RGL3: variants seen among roughly 807,000 people sequenced by gnomAD.
RGL3 encodes the protein ral guanine nucleotide dissociation stimulator-like 3.
RGL3 carries 85 observed loss-of-function variants against 90.6 expected under a neutral mutation model. The observed-to-expected ratio is 0.94, with a 90% confidence interval of 0.79 to 1.12. The LOEUF (loss-of-function observed/expected upper bound fraction) is 1.12. Ranked by LOEUF, RGL3 falls within the 50% of genes most tolerant of loss-of-function variation. The pLI is 0.00. For synonymous variants in RGL3, 408 were observed against 385.5 expected (o/e 1.06, Z -0.68); for missense variants, 1,034 against 939.2 (o/e 1.10, Z -1.32).
At position 11,406,060 on chromosome 19, in the gene RGL3, G is replaced by T. The variant is rs117349628; in HGVS notation, c.996+359C>A. ...CTTGTGACGCCAGGTCGGACCCCTG[G>T]GTGTTGTCTCACATCCGACAAGCTA... is the stretch of plus-strand genomic sequence containing the variant. On this transcript the variant is annotated intron_variant, in intron 7 of 18. Coordinates refer to ENST00000380456, the MANE Select transcript of RGL3 (RefSeq NM_001035223.4). Among the ~76,000 whole-genome samples, 1,312 of 151,672 alleles carry T rather than the reference G, an allele frequency of 8.7e-3. 22 individuals are homozygous for T. Among genetic ancestry groups the T allele is most frequent in the East Asian group, 0.058 (299 of 5,124 alleles).
chr19:11,397,636 T>A (rs1388068271), intron 16 of RGL3, 39 bp from the exon 17 acceptor site: 11 of 1,485,454 alleles, frequency 7.4e-6, no homozygotes, highest in Non-Finnish European at 9.9e-6. Context: ...GCTTGGCCCA[T>A]CTGCAGATGC....
chr19:11,415,981 T>G lies in RGL3; in HGVS notation c.593A>C (p.Glu198Ala). Reference protein sequence around the residue: ...AEKLLEDFLEEAEREQEEEPP... With the variant: ...AEKLLEDFLEAAEREQEEEPP... The stretch of plus-strand genomic sequence containing the variant: ...CTCCTCTTCCTGCTCTCGCTCAGCC[T>G]CCTCCAAAAAATCTTCCAGAAGCTT... Residue 198 changes from glutamate (E) to alanine (A), a missense_variant, in exon 5 of 19, where the codon GAG becomes GCG. Transcript: ENST00000380456. The G allele has an allele frequency of 1.9e-6, 3 of 1,613,800 alleles. No individual in the cohort carries two copies. The highest frequency in any genetic ancestry group is 2.2e-5 in the South Asian group (2 of 91,034).
chr19:11,407,883 A>G (rs919911153), intron 5 of RGL3, among the ~76,000 whole-genome samples: 5 of 150,566 alleles, frequency 3.3e-5, no homozygotes, highest in Admixed American at 6.6e-5. Flanking sequence ...ACAGGGTTTC[A>G]CCATGTTGGC....
chr19:11,402,645 C>T lies in RGL3; in HGVS notation c.1242+5G>A. On this transcript the variant is annotated splice_donor_5th_base_variant and intron_variant, in intron 10 of 18. Transcript: ENST00000380456. ...TTGTCCCCATCCCAAACTGTAATCA[C>T]TCACTGAGGGCAGGCTGCCTGGGGT... The T allele has an allele frequency of 6.2e-7, 1 of 1,614,002 alleles. No homozygotes were observed. Among genetic ancestry groups the T allele is most frequent in the East Asian group, 2.2e-5 (1 of 44,862 alleles).
At chr19:11,417,128 T>C (rs751172236) in intron 2 of RGL3, 69 bp from the exon 3 acceptor site, 56 of 1,156,176 alleles carry the variant, frequency 4.8e-5, no homozygotes, top group Non-Finnish European at 6.3e-5. Context: ...TCTAGTCACA[T>C]TCATCACTAG....
chr19:11,419,173 G>A, intron 1 of RGL3, 73 bp downstream of exon 1: 1 of 1,511,668 alleles, frequency 6.6e-7, no homozygotes, highest in Non-Finnish European at 9.0e-7. Context: ...ACCGTCCGAC[G>A]GGCGGGCGCT....
Position 11,416,664 on chromosome 19 carries a change from T to C in RGL3, c.375A>G (p.Val125=), listed in dbSNP as rs560245706. 21 of 1,614,020 alleles carry C rather than the reference T, an allele frequency of 1.3e-5. No individual in the cohort carries two copies. The highest frequency in any genetic ancestry group is 1.1e-4 in the South Asian group (10 of 91,080). The change falls in exon 4 of 19, where the codon GTA becomes GTG. Residue 125 remains valine, a synonymous_variant. Coordinates refer to ENST00000380456, the MANE Select transcript of RGL3 (RefSeq NM_001035223.4). ...PPMPPPPPPG[V]EIKKTAVQDL... ...CTTGTACCGCTGTCTTCTTGATCTC[T>C]ACCCTGGGAAGAGGCCCCCCAGCAG...
chr19:11,408,599 A>AAG (rs1568339580), intron 5 of RGL3, among the ~76,000 whole-genome samples: 2 of 151,778 alleles, frequency 1.3e-5, no homozygotes, highest in Admixed American at 6.6e-5. Context: ...AAAAAAAAAA[A>AAG]GATCATGCTA....
At chr19:11,409,776 C>A (rs1968842954) in intron 5 of RGL3, among the ~76,000 whole-genome samples, 1 of 152,164 alleles carries the variant, frequency 6.6e-6, no homozygotes, top group Non-Finnish European at 1.5e-5. Context: ...CACCGTGACA[C>A]TCTACTGTGA....
At position 11,397,674 on chromosome 19, in the gene RGL3, A is replaced by T. The variant is rs573145039; in HGVS notation, c.1747-77T>A. The T allele has an allele frequency of 4.4e-6, 6 of 1,371,444 alleles. No homozygotes were observed. The African/African-American group carries it at 7.3e-5, about 17-fold the overall frequency. 85.0% of individuals were successfully genotyped at this position (1,371,444 alleles called of 1,614,324 possible). A position where few individuals can be genotyped will look rare whatever the true frequency, so the allele number is the denominator to read the frequency against. On this transcript the variant is annotated intron_variant, in intron 16 of 18. Transcript: ENST00000380456. ...AGGGCTAGAAAAGCACGAACACCCCAGCCACCACTGGTGCATTCAATAGCC... is the reference window on the plus strand; with the variant it reads ...AGGGCTAGAAAAGCACGAACACCCCTGCCACCACTGGTGCATTCAATAGCC...
At chr19:11,402,334 G>A in intron 11 of RGL3, 87 bp from the exon 12 acceptor site, 1 of 1,583,908 alleles carries the variant, frequency 6.3e-7, no homozygotes, top group South Asian at 1.1e-5. Context: ...GAGCCCCACT[G>A]TAGTAAGGGA....
chr19:11,405,505 T>C, intron 7 of RGL3, 79 bp from the exon 8 acceptor site: 1 of 536,346 alleles, frequency 1.9e-6, no homozygotes, highest in African/African-American at 7.1e-5. Flanking sequence ...TTTTTTTTTT[T>C]TTTTTTTTTT....
intron 16 of RGL3, among the ~76,000 whole-genome samples, chr19:11,398,945 A>G (rs1208289428): frequency 1.3e-5 from 2 of 152,148 alleles, no homozygotes; most frequent in African/African-American, 4.8e-5. Flanking sequence ...CTGGGATTAC[A>G]GGCGTGAGCC....
intron 9 of RGL3, among the ~76,000 whole-genome samples, chr19:11,402,917 G>A (rs1219128018): frequency 1.3e-5 from 2 of 152,004 alleles, no homozygotes; most frequent in Non-Finnish European, 2.9e-5. Context: ...AGACCACCCT[G>A]GCCAATATGG....
At chr19:11,415,212 A>T (rs998142524) in intron 5 of RGL3, among the ~76,000 whole-genome samples, 1 of 151,994 alleles carries the variant, frequency 6.6e-6, no homozygotes, top group African/African-American at 2.4e-5. Context: ...TTTACAGGCT[A>T]GGTATAGTGG....
chr19:11,404,601 GT>G (rs1968736407), intron 9 of RGL3, among the ~76,000 whole-genome samples: 1 of 152,140 alleles, frequency 6.6e-6, no homozygotes, highest in African/African-American at 2.4e-5. Flanking sequence ...CAGATGTGTG[GT>G]TTTGGGGATG....
chr19:11,402,468 G>C lies in RGL3; in HGVS notation c.1316C>G (p.Pro439Arg), dbSNP rs373591981. 2 of 1,602,906 alleles carry C rather than the reference G, an allele frequency of 1.2e-6. No homozygotes were observed. The highest frequency in any genetic ancestry group is 8.5e-7 in the Non-Finnish European group (1 of 1,175,366). Residue 439 changes from proline to arginine, a missense_variant, in exon 11 of 19, where the codon CCG becomes CGG. By Grantham distance (103) the Pro-to-Arg change is moderately radical. Transcript: ENST00000380456. ...CAGGGGTCAGACCTCCAACATATCCGGCAGGGCTGTGTCCAGCATAACCAG... is the reference window on the plus strand; with the variant it reads ...CAGGGGTCAGACCTCCAACATATCCCGCAGGGCTGTGTCCAGCATAACCAG... Reference protein sequence around the residue: ...TDLVMLDTALPDMLEGDLINF... With the variant: ...TDLVMLDTALRDMLEGDLINF...
intron 5 of RGL3, among the ~76,000 whole-genome samples, chr19:11,407,689 T>G (rs77464309): frequency 8.1e-6 from 1 of 122,848 alleles, no homozygotes; most frequent in African/African-American, 4.1e-5. Flanking sequence ...TCTCTGTGCC[T>G]TTTTTTTTTT....
In RGL3 at chr19:11,396,158, ATTTT is replaced by A. The variant is rs1169850022; in HGVS notation, c.2014+1082_2014+1085del. Among the ~76,000 whole-genome samples, 126 of 25,580 alleles carry A rather than the reference ATTTT, an allele frequency of 4.9e-3. 5 individuals carry two copies. Among genetic ancestry groups the A allele is most frequent in the African/African-American group, 0.018 (116 of 6,292 alleles). The allele number at this position is 25,580 out of a possible 152,430, so 16.8% of individuals were successfully genotyped here. A position where few individuals can be genotyped will look rare whatever the true frequency, so the allele number is the denominator to read the frequency against. ...TCTCTATATATATATATATATATAT[ATTTT>A]TTTTTTTTTTTTTTTTTTTTTTTTG... On this transcript the variant is annotated intron_variant, in intron 18 of 18. Coordinates refer to ENST00000380456, the MANE Select transcript of RGL3 (RefSeq NM_001035223.4).
Sources: allele counts gnomAD v4.1 joint callset (sites outside exome capture counted in the v4.1 genomes callset), GRCh38; gene constraint gnomAD v4.1.1; transcripts MANE v1.5; gene names NCBI Gene and HGNC (gene_info 2026-07-23, HGNC 2026-07-21).